CCNY: variants seen among roughly 807,000 people sequenced by gnomAD.
The protein encoded by CCNY is cyclin Y.
Under a neutral mutation model 42.8 loss-of-function variants are expected in CCNY, and 19 were observed. The observed-to-expected ratio is 0.44, with a 90% CI of 0.31 to 0.65. The LOEUF is 0.65. Among genes scored for constraint, CCNY ranks in the 30% least tolerant of loss-of-function variants. The pLI is 0.07. For missense variants in CCNY, 370 were observed against 437.3 expected, an observed-to-expected ratio of 0.85 and a Z score of 1.37; for synonymous variants, 165 against 162.7, an observed-to-expected ratio of 1.01 and a Z score of -0.11.
chr10:35,365,156 G>A lies in CCNY; in HGVS notation c.154+27949G>A, dbSNP rs111678427. 3.5e-3 allele frequency among the ~76,000 whole-genome samples: 527 copies of A among 152,248 alleles called. 4 individuals carry two copies. The highest frequency in any genetic ancestry group is 0.012 in the African/African-American group (496 of 41,546). ...TGGTAATGTTTATTGAGCTGGTAAC[G>A]TTTATGGAGTTATACATGAGATAGG... On this transcript the variant is annotated intron_variant, in intron 1 of 9. Transcript: ENST00000374704.
intron 8 of CCNY, among the ~76,000 whole-genome samples, chr10:35,553,818 G>A (rs1841309494): frequency 6.6e-6 from 1 of 152,034 alleles, no homozygotes; most frequent in Admixed American, 6.5e-5. Context: ...TTCTCAGATG[G>A]GCCAGTCTTC....
intron 3 of CCNY, among the ~76,000 whole-genome samples, chr10:35,292,794 T>G (rs560984542): frequency 1.3e-5 from 2 of 148,936 alleles, no homozygotes; most frequent in East Asian, 3.9e-4. Context: ...TTTTTTTTTT[T>G]TTTTTTTGGA....
At chr10:35,324,749 C>A (rs1835859888) in intron 3 of CCNY, among the ~76,000 whole-genome samples, 1 of 152,146 alleles carries the variant, frequency 6.6e-6, no homozygotes, top group South Asian at 2.1e-4. Context: ...TGCTTTTGTG[C>A]ATACTTTTTT....
At chr10:35,537,423 C>T (rs1020048531) in intron 7 of CCNY, among the ~76,000 whole-genome samples, 2 of 152,174 alleles carry the variant, frequency 1.3e-5, no homozygotes, top group African/African-American at 4.8e-5. Context: ...CTCCAGACCC[C>T]AGAATGGTAG....
At chr10:35,489,888 A>G (rs1452636779) in intron 2 of CCNY, among the ~76,000 whole-genome samples, 6 of 152,360 alleles carry the variant, frequency 3.9e-5, no homozygotes, top group Admixed American at 1.3e-4. Flanking sequence ...ATGACTTTCA[A>G]TTATATCTAC....
chr10:35,312,056 G>A (rs1181437641), intron 3 of CCNY, among the ~76,000 whole-genome samples: 6 of 151,856 alleles, frequency 4.0e-5, no homozygotes, highest in African/African-American at 1.5e-4. Context: ...CCTTGCACTT[G>A]ACTAAGGGTT....
At chr10:35,429,455 T>TG (rs1838337441) in intron 1 of CCNY, among the ~76,000 whole-genome samples, 1 of 152,242 alleles carries the variant, frequency 6.6e-6, no homozygotes, top group Non-Finnish European at 1.5e-5. Flanking sequence ...CATAGCTTTT[T>TG]GGGGTCTTCA....
At chr10:35,276,678 G>A (rs1268394964) in intron 3 of CCNY, among the ~76,000 whole-genome samples, 1 of 152,192 alleles carries the variant, frequency 6.6e-6, no homozygotes, top group African/African-American at 2.4e-5. Flanking sequence ...GAGCCACTGT[G>A]CCTGGCAGGG....
intron 7 of CCNY, among the ~76,000 whole-genome samples, chr10:35,536,148 C>T (rs891246838): frequency 2.0e-5 from 3 of 152,080 alleles, no homozygotes; most frequent in East Asian, 1.9e-4. Context: ...AGCAGTTTCC[C>T]CCATACTGTT....
intron 1 of CCNY, among the ~76,000 whole-genome samples, chr10:35,359,655 T>C (rs1836639687): frequency 6.6e-6 from 1 of 152,170 alleles, no homozygotes; most frequent in African/African-American, 2.4e-5. Context: ...CATTTCTAAG[T>C]GTACAGCTCA....
chr10:35,400,219 C>G (rs921596615), intron 1 of CCNY, among the ~76,000 whole-genome samples: 19 of 132,190 alleles, frequency 1.4e-4, no homozygotes, highest in Non-Finnish European at 2.3e-4. Context: ...AAAACGGCTT[C>G]TAGTGGTTTG....
At chr10:35,352,015 C>T (rs569029732) in intron 1 of CCNY, among the ~76,000 whole-genome samples, 3 of 152,278 alleles carry the variant, frequency 2.0e-5, no homozygotes, top group African/African-American at 7.2e-5. Context: ...AGTGATCTAC[C>T]TAGTTTTCAA....
intron 3 of CCNY, among the ~76,000 whole-genome samples, chr10:35,321,550 C>T (rs1835822145): frequency 6.6e-6 from 1 of 151,756 alleles, no homozygotes; most frequent in African/African-American, 2.4e-5. Flanking sequence ...TGGTGGTACG[C>T]ACCTGTGGTC....
At chr10:35,474,742 C>T (rs1409111233) in intron 1 of CCNY, among the ~76,000 whole-genome samples, 2 of 152,182 alleles carry the variant, frequency 1.3e-5, no homozygotes, top group Non-Finnish European at 2.9e-5. Flanking sequence ...CAGAGCGCCT[C>T]TCCTCCTCCA....
At chr10:35,385,869 A>G (rs1178868230) in intron 1 of CCNY, among the ~76,000 whole-genome samples, 1 of 152,198 alleles carries the variant, frequency 6.6e-6, no homozygotes, top group Admixed American at 6.5e-5. Context: ...TGAAAGAGAA[A>G]AGGTCAGCAT....
intron 1 of CCNY, among the ~76,000 whole-genome samples, chr10:35,377,462 C>A (rs1267511767): frequency 6.6e-6 from 1 of 152,156 alleles, no homozygotes; most frequent in Non-Finnish European, 1.5e-5. Flanking sequence ...CTATGAACAA[C>A]CGGCTGTCCT....
intron 3 of CCNY, among the ~76,000 whole-genome samples, chr10:35,263,806 G>A (rs1036265685): frequency 1.3e-5 from 2 of 152,106 alleles, no homozygotes; most frequent in Admixed American, 6.6e-5. Context: ...TAAGGTCAGC[G>A]CCCATTAGCT....
At chr10:35,323,961 A>G (rs1253612806) in intron 3 of CCNY, among the ~76,000 whole-genome samples, 1 of 152,036 alleles carries the variant, frequency 6.6e-6, no homozygotes. Context: ...CAGAGGTTGC[A>G]ATGAGCTGAG....
intron 4 of CCNY, among the ~76,000 whole-genome samples, chr10:35,522,932 A>G (rs1247331332): frequency 6.6e-6 from 1 of 152,208 alleles, no homozygotes; most frequent in African/African-American, 2.4e-5. Flanking sequence ...GTGCTCACAA[A>G]ACCCCACTAC....
Sources: allele counts gnomAD v4.1 joint callset (sites outside exome capture counted in the v4.1 genomes callset), GRCh38; gene constraint gnomAD v4.1.1; transcripts MANE v1.5; gene names NCBI Gene and HGNC (gene_info 2026-07-23, HGNC 2026-07-21).